The following XKR9 variants were observed in gnomAD, a reference collection of about 807,000 sequenced individuals.
The protein encoded by XKR9 is XK related 9, also known as XK-related protein 9.
In XKR9, 32 loss-of-function variants were observed where a neutral mutation model predicts 32.0. The observed-to-expected ratio is 1.00, with a 90% CI of 0.76 to 1.34. XKR9 has a LOEUF of 1.34. XKR9 is among the 40% of genes most tolerant of loss of function. The pLI, the probability that XKR9 is intolerant of heterozygous loss-of-function variation, is 0.00. For missense variants in XKR9, 546 were observed against 429.7 expected, an observed-to-expected ratio of 1.27 and a Z score of -2.39; for synonymous variants, 168 against 143.4, an observed-to-expected ratio of 1.17 and a Z score of -1.22.
chr8:70,930,903 A>G, the XKR9 span, among the ~76,000 whole-genome samples: 1 of 152,134 alleles, frequency 6.6e-6, no homozygotes, highest in African/African-American at 2.4e-5. Flanking sequence ...AAAGAGCATC[A>G]CCATCAGAAC....
chr8:70,928,466 C>T, the XKR9 span, among the ~76,000 whole-genome samples: 1 of 151,876 alleles, frequency 6.6e-6, no homozygotes, highest in Non-Finnish European at 1.5e-5. Flanking sequence ...TTTTAAAAGG[C>T]TTATAATCTG....
At chr8:70,913,498 G>T in the XKR9 span, among the ~76,000 whole-genome samples, 4 of 151,946 alleles carry the variant, frequency 2.6e-5, no homozygotes, top group African/African-American at 9.7e-5. Context: ...AGAAAACATG[G>T]CATAGAATTT....
chr8:70,781,362 T>C (rs1807613453), intron 2 of XKR9, among the ~76,000 whole-genome samples: 1 of 152,140 alleles, frequency 6.6e-6, no homozygotes, highest in East Asian at 1.9e-4. Context: ...TTCTCTGATT[T>C]TGTGGGTTGT....
intron 3 of XKR9, among the ~76,000 whole-genome samples, chr8:70,687,241 C>T (rs981225534): frequency 2.0e-5 from 3 of 152,148 alleles, no homozygotes; most frequent in African/African-American, 7.2e-5. Flanking sequence ...GCTTTTTTCA[C>T]TTAACATAAT....
chr8:70,883,027 C>T, the XKR9 span, among the ~76,000 whole-genome samples: 8 of 151,886 alleles, frequency 5.3e-5, no homozygotes, highest in African/African-American at 1.9e-4. Context: ...TTTTTGGTTA[C>T]ATGGATGAGT....
the XKR9 span, among the ~76,000 whole-genome samples, chr8:70,933,177 A>G: frequency 1.3e-5 from 2 of 152,108 alleles, no homozygotes; most frequent in Non-Finnish European, 1.5e-5. Context: ...AAGAGAGAAC[A>G]TAGGGGCTGG....
intron 4 of XKR9, among the ~76,000 whole-genome samples, chr8:70,721,247 A>G (rs1228079639): frequency 6.6e-6 from 1 of 152,092 alleles, no homozygotes. Context: ...TTTTCAAAAA[A>G]CCACCTTCTG....
the XKR9 span, among the ~76,000 whole-genome samples, chr8:70,858,608 T>G: frequency 6.6e-6 from 1 of 151,974 alleles, no homozygotes; most frequent in African/African-American, 2.4e-5. Flanking sequence ...ACTTCAAAAT[T>G]TACTACAAAG....
chr8:71,032,290 A>T, the XKR9 span, among the ~76,000 whole-genome samples: 470 of 149,080 alleles, frequency 3.2e-3, 4 homozygotes, highest in African/African-American at 0.011. Flanking sequence ...TCAAAAAAAA[A>T]AAAAAAAAAA....
the XKR9 span, among the ~76,000 whole-genome samples, chr8:70,952,789 G>A: frequency 2.0e-5 from 3 of 152,336 alleles, no homozygotes; most frequent in South Asian, 6.2e-4. Context: ...GAGTAACCCA[G>A]CCTGATAGAG....
At chr8:71,007,736 C>T in the XKR9 span, among the ~76,000 whole-genome samples, 5 of 151,932 alleles carry the variant, frequency 3.3e-5, no homozygotes, top group African/African-American at 1.2e-4. Flanking sequence ...ATGTATACAA[C>T]TAGGTATTGT....
At chr8:70,810,981 A>G in the XKR9 span, among the ~76,000 whole-genome samples, 1 of 152,186 alleles carries the variant, frequency 6.6e-6, no homozygotes, top group African/African-American at 2.4e-5. Flanking sequence ...AATCAACAGA[A>G]TGTACATTCT....
the XKR9 span, among the ~76,000 whole-genome samples, chr8:70,874,301 C>G: frequency 6.6e-6 from 1 of 152,044 alleles, no homozygotes; most frequent in Non-Finnish European, 1.5e-5. Context: ...GTTACTTTTA[C>G]TTTTCTGATA....
At chr8:70,751,706 G>C (rs1272194345) in intron 2 of XKR9, among the ~76,000 whole-genome samples, 1 of 152,136 alleles carries the variant, frequency 6.6e-6, no homozygotes, top group Non-Finnish European at 1.5e-5. Context: ...AGAACTTCAA[G>C]TTCTCTGGAC....
chr8:71,010,398 T>TC, the XKR9 span, among the ~76,000 whole-genome samples: 2 of 152,170 alleles, frequency 1.3e-5, no homozygotes, highest in Non-Finnish European at 2.9e-5. Context: ...TCCTTCACAT[T>TC]CCCCACGTTT....
the XKR9 span, among the ~76,000 whole-genome samples, chr8:70,850,984 G>C: frequency 7.1e-4 from 108 of 152,340 alleles, no homozygotes; most frequent in African/African-American, 2.5e-3. Context: ...AAGAGAGGAA[G>C]TCAAGTTATC....
At chr8:70,760,813 G>C (rs1175797980) in intron 2 of XKR9, among the ~76,000 whole-genome samples, 1 of 152,082 alleles carries the variant, frequency 6.6e-6, no homozygotes, top group African/African-American at 2.4e-5. Flanking sequence ...TAATCATCCA[G>C]GTATTAAGCC....
At chr8:70,902,398 T>C in the XKR9 span, among the ~76,000 whole-genome samples, 1 of 152,180 alleles carries the variant, frequency 6.6e-6, no homozygotes, top group Non-Finnish European at 1.5e-5. Context: ...CCTAAGTATT[T>C]TATTCTCTTT....
intron 4 of XKR9, among the ~76,000 whole-genome samples, chr8:70,719,647 G>T (rs1806208891): frequency 6.6e-6 from 1 of 152,014 alleles, no homozygotes; most frequent in Non-Finnish European, 1.5e-5. Flanking sequence ...CTGATCCATT[G>T]TTCTATATAT....
Sources: gnomAD v4.1 joint callset for allele counts (sites outside exome capture counted in the v4.1 genomes callset) on GRCh38, gnomAD v4.1.1 for gene constraint, MANE v1.5 for transcripts, NCBI Gene and HGNC (gene_info 2026-07-23, HGNC 2026-07-21) for gene names.